The following DLGAP2 variants were observed in gnomAD, a reference collection of about 807,000 sequenced individuals.
The protein encoded by DLGAP2 is DLG associated protein 2.
In DLGAP2, 26 loss-of-function variants were observed where a neutral mutation model predicts 100.3. The observed-to-expected ratio is 0.26, with a 90% CI of 0.19 to 0.36. DLGAP2 has a LOEUF of 0.36. DLGAP2 is among the 10% of genes least tolerant of loss of function. DLGAP2 has a pLI of 1.00. For synonymous variants in DLGAP2, 886 were observed against 630.1 expected, an observed-to-expected ratio of 1.41 and a Z score of -6.08; for missense variants, 1,858 against 1,453.2, an observed-to-expected ratio of 1.28 and a Z score of -4.53.
chr8:1,640,768 C>T (rs1251941004), intron 8 of DLGAP2, among the ~76,000 whole-genome samples: 1 of 152,134 alleles, frequency 6.6e-6, no homozygotes, highest in Non-Finnish European at 1.5e-5. Context: ...TCTCACGTGG[C>T]CCGCCCCCCC....
intron 3 of DLGAP2, among the ~76,000 whole-genome samples, chr8:1,336,650 C>G (rs548593528): frequency 1.3e-5 from 2 of 152,304 alleles, no homozygotes; most frequent in Admixed American, 1.3e-4. Flanking sequence ...GCATCTGGAA[C>G]AGGCTGGGGC....
In DLGAP2 at chr8:1,348,335, G is replaced by A. The variant is rs540625871; in HGVS notation, c.106+89452G>A. ...CTCATGGTAGCTGTGTGGAGATTGA[G>A]TTCCTACACAGAGCTACATTGCACT... On this transcript the variant is annotated intron_variant, in intron 3 of 14. Transcript: ENST00000637795. Among the ~76,000 whole-genome samples the A allele has an allele frequency of 6.7e-4, 101 of 150,188 alleles. 1 individual carries two copies. The highest frequency in any genetic ancestry group is 2.4e-3 in the African/African-American group (98 of 40,752).
chr8:873,342 G>C (rs187033482), intron 1 of DLGAP2, among the ~76,000 whole-genome samples: 38 of 152,138 alleles, frequency 2.5e-4, no homozygotes, highest in African/African-American at 8.7e-4. Flanking sequence ...TCATTACCCT[G>C]GCTAGGACCA....
intron 6 of DLGAP2, among the ~76,000 whole-genome samples, chr8:1,574,470 G>A (rs1380389893): frequency 1.3e-5 from 2 of 152,088 alleles, no homozygotes; most frequent in Admixed American, 6.5e-5. Flanking sequence ...AGTTTTACGC[G>A]GCTAAACCAT....
chr8:784,550 A>G (rs1447210395), intron 1 of DLGAP2, among the ~76,000 whole-genome samples: 1 of 152,206 alleles, frequency 6.6e-6, no homozygotes, highest in Non-Finnish European at 1.5e-5. Context: ...TATCAAGTTG[A>G]TATGGTGGAT....
At chr8:1,227,877 A>C (rs559042299) in intron 2 of DLGAP2, among the ~76,000 whole-genome samples, 1 of 152,282 alleles carries the variant, frequency 6.6e-6, no homozygotes, top group Non-Finnish European at 1.5e-5. Context: ...GGAATTATTT[A>C]TTGCTAAATT....
intron 3 of DLGAP2, among the ~76,000 whole-genome samples, chr8:1,367,853 T>G (rs1327721210): frequency 6.6e-6 from 1 of 152,210 alleles, no homozygotes. Flanking sequence ...TATCTAGACA[T>G]AAATCATATA....
At chr8:1,426,448 C>T (rs2129958543) in intron 3 of DLGAP2, among the ~76,000 whole-genome samples, 1 of 152,218 alleles carries the variant, frequency 6.6e-6, no homozygotes, top group South Asian at 2.1e-4. Flanking sequence ...TGTAGAGACT[C>T]CAACAAGTTA....
chr8:1,250,207 G>C (rs1200008164), intron 2 of DLGAP2, among the ~76,000 whole-genome samples: 1 of 59,224 alleles, frequency 1.7e-5, no homozygotes, highest in African/African-American at 8.9e-5. Flanking sequence ...TCACTGTGAA[G>C]ATAAATCTGC....
chr8:1,226,219 A>G (rs935615974), intron 2 of DLGAP2, among the ~76,000 whole-genome samples: 1 of 152,208 alleles, frequency 6.6e-6, no homozygotes, highest in Non-Finnish European at 1.5e-5. Flanking sequence ...AAGACACAGA[A>G]TCAACGCAAA....
rs966460756 is a variant in DLGAP2 at position 1,297,445 on chromosome 8, G to T, written c.106+38562G>T. Reference sequence around the variant, plus strand: ...GCGCGAACAGACACCACGCGAGACAGGGAGGAGAAAGGTGGCATGCGTGAA... The same window carrying T: ...GCGCGAACAGACACCACGCGAGACATGGAGGAGAAAGGTGGCATGCGTGAA... On this transcript the variant is annotated intron_variant, in intron 3 of 14. Coordinates refer to ENST00000637795, the MANE Select transcript of DLGAP2 (RefSeq NM_001346810.2). Among the ~76,000 whole-genome samples, 5 of 117,236 alleles carry T rather than the reference G, an allele frequency of 4.3e-5. No homozygotes were observed. The East Asian group carries it at 1.0e-3, about 24-fold the overall frequency. The allele number at this position is 117,236 out of a possible 152,430, so 76.9% of individuals were successfully genotyped here. A position where few individuals can be genotyped will look rare whatever the true frequency, so the allele number is the denominator to read the frequency against.
At chr8:1,555,537 C>G (rs981834349) in intron 5 of DLGAP2, among the ~76,000 whole-genome samples, 1 of 152,214 alleles carries the variant, frequency 6.6e-6, no homozygotes, top group African/African-American at 2.4e-5. Flanking sequence ...CAGGGCTTGG[C>G]AGGATCTCGC....
chr8:903,213 G>A (rs1015940766), intron 1 of DLGAP2, among the ~76,000 whole-genome samples: 2 of 151,996 alleles, frequency 1.3e-5, no homozygotes, highest in Non-Finnish European at 2.9e-5. Context: ...AGGTTGGTTG[G>A]GGCCAAAGAT....
At chr8:819,762 C>G (rs561568878) in intron 1 of DLGAP2, among the ~76,000 whole-genome samples, 3 of 152,116 alleles carry the variant, frequency 2.0e-5, no homozygotes, top group African/African-American at 7.2e-5. Flanking sequence ...AACAATGAAA[C>G]ACCTGGGAGG....
chr8:1,682,422 G>C (rs1798974144), intron 12 of DLGAP2, among the ~76,000 whole-genome samples: 1 of 151,976 alleles, frequency 6.6e-6, no homozygotes, highest in South Asian at 2.1e-4. Context: ...AATTGAATTT[G>C]ATGACGTATA....
At chr8:1,456,674 G>A (rs998725923) in intron 3 of DLGAP2, among the ~76,000 whole-genome samples, 7 of 152,140 alleles carry the variant, frequency 4.6e-5, no homozygotes, top group African/African-American at 1.7e-4. Flanking sequence ...GAGACCGATT[G>A]TTGAAGAGTT....
At chr8:1,568,551 C>T (rs1802513693) in intron 6 of DLGAP2, among the ~76,000 whole-genome samples, 1 of 147,046 alleles carries the variant, frequency 6.8e-6, no homozygotes, top group Non-Finnish European at 1.5e-5. Context: ...CCCGTGGCCC[C>T]CATTCCACTG....
intron 6 of DLGAP2, among the ~76,000 whole-genome samples, chr8:1,590,751 T>C (rs921577124): frequency 6.6e-6 from 1 of 152,230 alleles, no homozygotes; most frequent in African/African-American, 2.4e-5. Context: ...CCCACCTCTG[T>C]GCTCCTGGGT....
intron 2 of DLGAP2, among the ~76,000 whole-genome samples, chr8:920,102 G>A (rs1350659878): frequency 6.6e-6 from 1 of 152,180 alleles, no homozygotes; most frequent in Non-Finnish European, 1.5e-5. Context: ...GGGAAACCAG[G>A]TGGAAGCTTC....
Sources: gnomAD v4.1 joint callset for allele counts (sites outside exome capture counted in the v4.1 genomes callset) on GRCh38, gnomAD v4.1.1 for gene constraint, MANE v1.5 for transcripts, NCBI Gene and HGNC (gene_info 2026-07-23, HGNC 2026-07-21) for gene names.